PTPRO: variants seen among roughly 807,000 people sequenced by gnomAD.
PTPRO encodes the protein receptor-type tyrosine-protein phosphatase O.
In PTPRO, 62 loss-of-function variants were observed where a neutral mutation model predicts 145.2. The ratio of observed to expected loss-of-function variants is 0.43; its 90% CI spans 0.35 to 0.53. The LOEUF (loss-of-function observed/expected upper bound fraction) is 0.53. Ranked by LOEUF, PTPRO falls within the 20% of genes least tolerant of loss-of-function variation. The pLI is 0.01. For missense variants in PTPRO, 1,345 were observed against 1,482.7 expected, an observed-to-expected ratio of 0.91 and a Z score of 1.53; for synonymous variants, 565 against 514.7, an observed-to-expected ratio of 1.10 and a Z score of -1.32.
chr12:15,554,879 G>A (rs1220078661), intron 15 of PTPRO, among the ~76,000 whole-genome samples: 1 of 152,170 alleles, frequency 6.6e-6, no homozygotes, highest in East Asian at 1.9e-4. Flanking sequence ...TGCAAGTGCA[G>A]GTGCAGAGTA....
chr12:15,372,988 C>T (rs1008030143), intron 1 of PTPRO, among the ~76,000 whole-genome samples: 8 of 152,104 alleles, frequency 5.3e-5, no homozygotes, highest in South Asian at 4.1e-4. Flanking sequence ...AGTCAGTCAA[C>T]GGCATGACTG....
At chr12:15,583,174 A>G (rs1349721770) in intron 23 of PTPRO, among the ~76,000 whole-genome samples, 1 of 152,202 alleles carries the variant, frequency 6.6e-6, no homozygotes, top group African/African-American at 2.4e-5. Context: ...AATGGTTTTT[A>G]CATTTTTTAA....
intron 23 of PTPRO, among the ~76,000 whole-genome samples, chr12:15,584,615 A>C (rs560686514): frequency 8.9e-4 from 136 of 152,342 alleles, no homozygotes; most frequent in Non-Finnish European, 4.4e-4. Context: ...ACTTGTTACA[A>C]GCGTCTGGTA....
chr12:15,358,864 C>T (rs1001354539), intron 1 of PTPRO, among the ~76,000 whole-genome samples: 2 of 152,238 alleles, frequency 1.3e-5, no homozygotes, highest in African/African-American at 4.8e-5. Flanking sequence ...GTTTTAGTTA[C>T]ATCTGCTAAG....
At chr12:15,351,670 AT>A (rs1937806917) in intron 1 of PTPRO, among the ~76,000 whole-genome samples, 1 of 152,194 alleles carries the variant, frequency 6.6e-6, no homozygotes, top group South Asian at 2.1e-4. Flanking sequence ...TAATATTTAA[AT>A]CCCTGGATCT....
At chr12:15,437,683 C>T (rs992265390) in intron 1 of PTPRO, among the ~76,000 whole-genome samples, 2 of 152,184 alleles carry the variant, frequency 1.3e-5, no homozygotes, top group Non-Finnish European at 2.9e-5. Flanking sequence ...TGCTCCACAC[C>T]CAGGAAGATC....
chr12:15,525,002 A>T (rs986021487), intron 11 of PTPRO, 37 bp downstream of exon 11: 1 of 1,609,436 alleles, frequency 6.2e-7, no homozygotes, highest in East Asian at 2.2e-5. Flanking sequence ...TGTGTCTGTA[A>T]ATTTAGTTTT....
intron 6 of PTPRO, among the ~76,000 whole-genome samples, chr12:15,506,528 A>G (rs1458725523): frequency 7.9e-5 from 12 of 152,224 alleles, no homozygotes; most frequent in African/African-American, 2.9e-4. Flanking sequence ...GTCTCAGGAA[A>G]CTTACAATCA....
intron 1 of PTPRO, among the ~76,000 whole-genome samples, chr12:15,360,591 T>C (rs951129278): frequency 1.3e-5 from 2 of 151,836 alleles, no homozygotes; most frequent in Non-Finnish European, 2.9e-5. Context: ...CTGTGATTGA[T>C]TTAGTATCTC....
chr12:15,523,910 A>C (rs1299088702), intron 10 of PTPRO, among the ~76,000 whole-genome samples: 1 of 151,820 alleles, frequency 6.6e-6, no homozygotes, highest in Non-Finnish European at 1.5e-5. Context: ...TAGTCCTCCC[A>C]CCTCAGCCTC....
At chr12:15,551,445 T>A in intron 14 of PTPRO, 106 bp from the exon 15 acceptor site, 1 of 1,383,392 alleles carries the variant, frequency 7.2e-7, no homozygotes, top group African/African-American at 1.4e-5. Context: ...ATTATTGGTA[T>A]CATCGTAAGC....
At chr12:15,323,556 T>C (rs1866362664) in intron 1 of PTPRO, among the ~76,000 whole-genome samples, 1 of 152,256 alleles carries the variant, frequency 6.6e-6, no homozygotes, top group Non-Finnish European at 1.5e-5. Context: ...TTGACAACTA[T>C]ACTGTACATA....
chr12:15,414,855 T>TCA (rs1939902214), intron 1 of PTPRO, among the ~76,000 whole-genome samples: 1 of 152,068 alleles, frequency 6.6e-6, no homozygotes, highest in Non-Finnish European at 1.5e-5. Context: ...CCTAATAGAG[T>TCA]CTCTTAGAAA....
intron 23 of PTPRO, 144 bp downstream of exon 23, chr12:15,581,945 G>T: frequency 2.7e-6 from 3 of 1,113,852 alleles, no homozygotes; most frequent in Non-Finnish European, 3.9e-6. Context: ...GGAAATCAGG[G>T]GTCTCACAGC....
At chr12:15,505,015 G>T (rs1942293774) in intron 6 of PTPRO, among the ~76,000 whole-genome samples, 1 of 152,206 alleles carries the variant, frequency 6.6e-6, no homozygotes, top group Non-Finnish European at 1.5e-5. Flanking sequence ...ATTCCCAACT[G>T]CCTTGTGTGT....
chr12:15,510,974 C>G (rs1942426555), intron 7 of PTPRO, among the ~76,000 whole-genome samples: 1 of 123,406 alleles, frequency 8.1e-6, no homozygotes, highest in African/African-American at 3.0e-5. Context: ...CGAGACCAGC[C>G]TGGGTAACAT....
intron 1 of PTPRO, among the ~76,000 whole-genome samples, chr12:15,340,397 T>C (rs1866936176): frequency 6.6e-6 from 1 of 152,216 alleles, no homozygotes; most frequent in Non-Finnish European, 1.5e-5. Context: ...TGGTTGGGAC[T>C]GCCTTTTGGA....
chr12:15,579,824 GA>G (rs1428391174), intron 20 of PTPRO, among the ~76,000 whole-genome samples: 1 of 151,988 alleles, frequency 6.6e-6, no homozygotes, highest in Non-Finnish European at 1.5e-5. Flanking sequence ...AAGGACAGGA[GA>G]GCTGGTAGTG....
chr12:15,586,692 T>A (rs1944436138), intron 23 of PTPRO, among the ~76,000 whole-genome samples: 1 of 152,148 alleles, frequency 6.6e-6, no homozygotes, highest in Non-Finnish European at 1.5e-5. Context: ...CTTATCCTAC[T>A]ATTTGAAGCT....
Sources: gnomAD v4.1 joint callset for allele counts (sites outside exome capture counted in the v4.1 genomes callset) on GRCh38, gnomAD v4.1.1 for gene constraint, MANE v1.5 for transcripts, NCBI Gene and HGNC (gene_info 2026-07-23, HGNC 2026-07-21) for gene names.